BCKDHB: variants seen among roughly 807,000 people sequenced by gnomAD.
The protein encoded by BCKDHB is branched chain keto acid dehydrogenase E1 subunit beta.
In BCKDHB, 41 loss-of-function variants were observed where a neutral mutation model predicts 48.5. The ratio of observed to expected loss-of-function variants is 0.85; its 90% CI spans 0.66 to 1.10. The LOEUF is 1.10. Ranked by LOEUF, BCKDHB falls within the 50% of genes least tolerant of loss-of-function variation. BCKDHB has a pLI of 0.00. For missense variants in BCKDHB, 496 were observed against 494.2 expected (o/e 1.00, Z -0.03); for synonymous variants, 201 against 174.8 (o/e 1.15, Z -1.18).
chr6:80,399,677 A>G, the BCKDHB span, among the ~76,000 whole-genome samples: 14,451 of 152,112 alleles, frequency 0.095, 1,942 homozygotes, highest in African/African-American at 0.3. Context: ...TGTCCAAAAC[A>G]ATTTACATAT....
chr6:80,306,461 T>C (rs899577693), intron 9 of BCKDHB, among the ~76,000 whole-genome samples: 5 of 152,138 alleles, frequency 3.3e-5, no homozygotes, highest in African/African-American at 1.2e-4. Context: ...TGAGTGAACC[T>C]AAGCAAATCA....
In BCKDHB at chr6:80,176,354, A is replaced by G. The variant is rs372980244; in HGVS notation, c.742+4964A>G. 1.4e-4 allele frequency among the ~76,000 whole-genome samples: 22 copies of G among 152,294 alleles called. No individual in the cohort carries two copies. The East Asian group carries it at 3.9e-3, about 27-fold the overall frequency. On this transcript the variant is annotated intron_variant, in intron 6 of 9. Coordinates refer to ENST00000320393, the MANE Select transcript of BCKDHB (RefSeq NM_183050.4). ...AGAACGCTGCAGAGTTCAAAAGCAA[A>G]GTGGAGCTCAGAATTCTGGGAGGTA...
At chr6:80,288,932 G>A (rs1266026894) in intron 9 of BCKDHB, among the ~76,000 whole-genome samples, 9 of 152,072 alleles carry the variant, frequency 5.9e-5, no homozygotes, top group Non-Finnish European at 1.3e-4. Flanking sequence ...GGGATGGAGG[G>A]GTAGGGAGCA....
In BCKDHB at chr6:80,171,289, T is replaced by C. The variant is rs796051940; in HGVS notation, c.641T>C (p.Ile214Thr). The change falls in exon 6 of 10, where the codon ATA becomes ACA. Residue 214 changes from isoleucine to threonine, a missense_variant. By Grantham distance (89) the Ile-to-Thr change is moderately conservative (BLOSUM62 -1). Coordinates refer to ENST00000320393, the MANE Select transcript of BCKDHB (RefSeq NM_183050.4). ...FAHCPGIKVV[I>T]PRSPFQAKGL... Reference sequence around the variant, plus strand: ...AAAAATCTGTTTTTGCAGGTGGTTATACCCAGAAGCCCTTTCCAGGCCAAA... The same window carrying C: ...AAAAATCTGTTTTTGCAGGTGGTTACACCCAGAAGCCCTTTCCAGGCCAAA... The C allele has an allele frequency of 6.2e-7, 1 of 1,606,194 alleles. No individual in the cohort carries two copies. The highest frequency in any genetic ancestry group is 1.1e-5 in the South Asian group (1 of 90,154).
At chr6:80,208,596 ATTTG>A (rs1341073827) in intron 8 of BCKDHB, among the ~76,000 whole-genome samples, 3 of 151,836 alleles carry the variant, frequency 2.0e-5, no homozygotes, top group Non-Finnish European at 2.9e-5. Context: ...AAGGACAAAT[ATTTG>A]TTTGTATGAT....
chr6:80,402,659 G>A, the BCKDHB span, among the ~76,000 whole-genome samples: 3 of 151,708 alleles, frequency 2.0e-5, no homozygotes, highest in Admixed American at 2.0e-4. Flanking sequence ...TACTTTTGGT[G>A]TTGAATCCAG....
At chr6:80,121,935 T>A (rs1770047004) in intron 1 of BCKDHB, among the ~76,000 whole-genome samples, 1 of 152,232 alleles carries the variant, frequency 6.6e-6, no homozygotes, top group Non-Finnish European at 1.5e-5. Flanking sequence ...GTGCCAGTTT[T>A]CAAAGGGAAT....
chr6:80,276,095 GA>G (rs1334938209), intron 9 of BCKDHB, among the ~76,000 whole-genome samples: 1 of 151,962 alleles, frequency 6.6e-6, no homozygotes, highest in Non-Finnish European at 1.5e-5. Flanking sequence ...GTATAAATTT[GA>G]GTACTTTTGA....
At chr6:80,297,989 A>C (rs1212136382) in intron 9 of BCKDHB, among the ~76,000 whole-genome samples, 2 of 151,980 alleles carry the variant, frequency 1.3e-5, no homozygotes, top group Non-Finnish European at 2.9e-5. Flanking sequence ...TTTTCCCCCA[A>C]AATAGGGTCT....
At chr6:80,315,559 C>T (rs560884792) in intron 9 of BCKDHB, among the ~76,000 whole-genome samples, 1 of 151,694 alleles carries the variant, frequency 6.6e-6, no homozygotes, top group Admixed American at 6.6e-5. Flanking sequence ...CCACGCACTA[C>T]AGTTGCTTCT....
chr6:80,313,734 G>A (rs535143691), intron 9 of BCKDHB, among the ~76,000 whole-genome samples: 4 of 152,124 alleles, frequency 2.6e-5, no homozygotes, highest in Admixed American at 6.5e-5. Context: ...TGTTTTGAAG[G>A]GTTTTTTGTG....
At chr6:80,340,738 C>A (rs1009387129) in intron 9 of BCKDHB, among the ~76,000 whole-genome samples, 8 of 136,814 alleles carry the variant, frequency 5.8e-5, no homozygotes, top group African/African-American at 2.2e-4. Flanking sequence ...CTTCATTAAT[C>A]TACAAACTTG....
intron 1 of BCKDHB, among the ~76,000 whole-genome samples, chr6:80,125,389 C>G (rs1770291067): frequency 1.3e-5 from 2 of 152,166 alleles, no homozygotes; most frequent in Admixed American, 1.3e-4. Flanking sequence ...AGCAATAAGG[C>G]TATTTTGCTT....
At chr6:80,429,276 C>G in the BCKDHB span, among the ~76,000 whole-genome samples, 2 of 152,144 alleles carry the variant, frequency 1.3e-5, no homozygotes, top group Non-Finnish European at 2.9e-5. Context: ...TTACTGTAGA[C>G]TTGTAGTATA....
chr6:80,192,596 G>A (rs1002509225), intron 6 of BCKDHB, among the ~76,000 whole-genome samples: 1 of 152,096 alleles, frequency 6.6e-6, no homozygotes. Flanking sequence ...AAAACCCTAA[G>A]GGTAATTGCA....
chr6:80,313,245 T>G (rs960813728), intron 9 of BCKDHB, among the ~76,000 whole-genome samples: 2 of 152,210 alleles, frequency 1.3e-5, no homozygotes, highest in African/African-American at 4.8e-5. Flanking sequence ...CTAATGGTTG[T>G]TTGTATTTCT....
At chr6:80,164,813 A>G (rs929968786) in intron 3 of BCKDHB, among the ~76,000 whole-genome samples, 2 of 152,170 alleles carry the variant, frequency 1.3e-5, no homozygotes, top group Admixed American at 6.5e-5. Flanking sequence ...CTATCAGGAC[A>G]CTTACAGGGT....
At chr6:80,176,722 T>C (rs1773172417) in intron 6 of BCKDHB, among the ~76,000 whole-genome samples, 1 of 152,132 alleles carries the variant, frequency 6.6e-6, no homozygotes, top group African/African-American at 2.4e-5. Flanking sequence ...AAGCAGATAA[T>C]TAAAAGTGAT....
intron 1 of BCKDHB, among the ~76,000 whole-genome samples, chr6:80,122,168 A>C (rs1051004995): frequency 6.6e-6 from 1 of 152,202 alleles, no homozygotes; most frequent in African/African-American, 2.4e-5. Flanking sequence ...TGATTTGCAT[A>C]TGTTGAACCA....
Sources: gnomAD v4.1 joint callset for allele counts (sites outside exome capture counted in the v4.1 genomes callset) on GRCh38, gnomAD v4.1.1 for gene constraint, MANE v1.5 for transcripts, NCBI Gene and HGNC (gene_info 2026-07-23, HGNC 2026-07-21) for gene names.